GABRG2: variants seen among roughly 807,000 people sequenced by gnomAD.
GABRG2 encodes gamma-aminobutyric acid receptor subunit gamma-2.
A neutral mutation model predicts 56.4 loss-of-function variants in GABRG2; 16 were observed. That is an observed-to-expected ratio of 0.28 (90% CI 0.19 to 0.43). The LOEUF is 0.43. Among genes scored for constraint, GABRG2 ranks in the 20% least tolerant of loss-of-function variants. The probability of loss-of-function intolerance (pLI) is 1.00; values close to 1 mark genes in which losing one functional copy is unlikely to be tolerated. For missense variants in GABRG2, 327 were observed against 582.7 expected, an observed-to-expected ratio of 0.56 and a Z score of 4.52; for synonymous variants, 208 against 205.5, an observed-to-expected ratio of 1.01 and a Z score of -0.10.
chr5:162,092,004 AC>A (rs1354416785), intron 1 of GABRG2, among the ~76,000 whole-genome samples: 1 of 152,124 alleles, frequency 6.6e-6, no homozygotes, highest in Non-Finnish European at 1.5e-5. Flanking sequence ...TGACGAACCT[AC>A]CATATCCTTT....
chr5:162,144,925 A>C (rs1764844494), intron 7 of GABRG2, among the ~76,000 whole-genome samples: 1 of 152,192 alleles, frequency 6.6e-6, no homozygotes, highest in African/African-American at 2.4e-5. Context: ...TGCTTATCTA[A>C]TGTGTCTAGA....
chr5:162,140,641 A>AT (rs1313524520), intron 6 of GABRG2, among the ~76,000 whole-genome samples: 1 of 152,204 alleles, frequency 6.6e-6, no homozygotes, highest in Non-Finnish European at 1.5e-5. Context: ...TTATCTATGT[A>AT]TTTTACAGCA....
intron 1 of GABRG2, among the ~76,000 whole-genome samples, chr5:162,077,543 G>A (rs927129274): frequency 3.3e-5 from 5 of 152,120 alleles, no homozygotes; most frequent in Admixed American, 2.6e-4. Flanking sequence ...AAGAAACTTA[G>A]CAAAACACTA....
intron 8 of GABRG2, chr5:162,150,430 G>C (rs1765285307): frequency 6.6e-6 from 1 of 152,204 alleles, no homozygotes; most frequent in South Asian, 2.1e-4. Flanking sequence ...AAATAGTGAG[G>C]ATGAAGCATA....
chr5:162,105,320 G>A (rs1310496502), intron 6 of GABRG2, among the ~76,000 whole-genome samples: 2 of 151,400 alleles, frequency 1.3e-5, no homozygotes, highest in African/African-American at 4.9e-5. Context: ...TCTTTTATTT[G>A]GAAAAAAGAA....
At position 162,155,264 on chromosome 5, in the gene GABRG2, T is replaced by C. The variant is rs1348771194; in HGVS notation, c.*1896T>C. ...TTTCTTGTTTTGAATTGTCAATATA[T>C]TAAATGTTGACTCTTTGGGAGAGTT... On this transcript the variant is annotated 3_prime_UTR_variant, in exon 10 of 10. Coordinates refer to ENST00000639213, the MANE Select transcript of GABRG2 (RefSeq NM_198904.4). The C allele has an allele frequency of 6.6e-6, 1 of 152,486 alleles. No individual in the cohort carries two copies. The highest frequency in any genetic ancestry group is 1.5e-5 in the Non-Finnish European group (1 of 68,008). 9.4% of individuals were successfully genotyped at this position (152,486 alleles called of 1,614,324 possible).
At chr5:162,073,683 A>G (rs977353191) in intron 1 of GABRG2, among the ~76,000 whole-genome samples, 2 of 152,022 alleles carry the variant, frequency 1.3e-5, no homozygotes, top group African/African-American at 2.4e-5. Context: ...TAATGTTACT[A>G]TGTGGTAACA....
intron 6 of GABRG2, among the ~76,000 whole-genome samples, chr5:162,107,660 A>G (rs986109345): frequency 6.6e-6 from 1 of 152,162 alleles, no homozygotes; most frequent in Non-Finnish European, 1.5e-5. Context: ...TTCATTGTCA[A>G]TATGCTAGAA....
intron 6 of GABRG2, among the ~76,000 whole-genome samples, chr5:162,115,128 A>G (rs1458601654): frequency 6.6e-6 from 1 of 152,214 alleles, no homozygotes; most frequent in East Asian, 1.9e-4. Context: ...AGAGCTCTGC[A>G]TACCCTATGA....
intron 7 of GABRG2, among the ~76,000 whole-genome samples, chr5:162,144,439 A>G (rs966388461): frequency 6.6e-6 from 1 of 152,214 alleles, no homozygotes; most frequent in Non-Finnish European, 1.5e-5. Context: ...TCATGGTGGA[A>G]GAAGGGATCA....
chr5:162,137,882 G>T (rs919450665), intron 6 of GABRG2, among the ~76,000 whole-genome samples: 9 of 151,586 alleles, frequency 5.9e-5, no homozygotes, highest in African/African-American at 2.2e-4. Context: ...CCCTGGAGTA[G>T]CTGGGACTAC....
chr5:162,081,082 G>A (rs746626532), intron 1 of GABRG2, among the ~76,000 whole-genome samples: 67 of 151,960 alleles, frequency 4.4e-4, no homozygotes, highest in Non-Finnish European at 7.7e-4. Flanking sequence ...ATTTCCTACC[G>A]ATAAAATTTG....
chr5:162,075,363 C>T (rs1759010726), intron 1 of GABRG2, among the ~76,000 whole-genome samples: 1 of 152,098 alleles, frequency 6.6e-6, no homozygotes, highest in Admixed American at 6.6e-5. Flanking sequence ...AAAGCCTGCA[C>T]CTACCACTCA....
intron 5 of GABRG2, chr5:162,103,108 T>C (rs1761554609): frequency 6.5e-6 from 1 of 153,780 alleles, no homozygotes; most frequent in Non-Finnish European, 1.4e-5. Flanking sequence ...CAAATATACA[T>C]TGACCATCAA....
chr5:162,067,592 C>A, upstream of GABRG2: 1 of 458,738 alleles, frequency 2.2e-6, no homozygotes, highest in South Asian at 6.2e-5. Context: ...GAAAAAAAAT[C>A]AAAACAAACA....
At chr5:162,071,020 AT>A (rs1281171652) in intron 1 of GABRG2, among the ~76,000 whole-genome samples, 1 of 149,084 alleles carries the variant, frequency 6.7e-6, no homozygotes, top group East Asian at 2.0e-4. Context: ...TCAATCTTTT[AT>A]TTGTATGTAA....
intron 6 of GABRG2, among the ~76,000 whole-genome samples, chr5:162,128,919 A>G (rs1252084289): frequency 6.6e-6 from 1 of 152,008 alleles, no homozygotes; most frequent in Non-Finnish European, 1.5e-5. Context: ...GACCCTGGGT[A>G]TATAATTTCA....
rs909345406 is a variant in GABRG2, at chr5:162,097,494, A to G, written c.328-144A>G. 3 of 681,324 alleles carry G rather than the reference A, an allele frequency of 4.4e-6. No individual in the cohort carries two copies. The African/African-American group carries it at 5.4e-5, about 12-fold the overall frequency. The allele number at this position is 681,324 out of a possible 1,614,324, so 42.2% of individuals were successfully genotyped here. A position where few individuals can be genotyped will look rare whatever the true frequency, so the allele number is the denominator to read the frequency against. On this transcript the variant is annotated intron_variant, in intron 3 of 9. Coordinates refer to ENST00000639213, the MANE Select transcript of GABRG2 (RefSeq NM_198904.4). ...TGGGTGAGACAGTAACCTCCTCAGC[A>G]AAACTCTAGCTTTCTTTTGAACTAT...
chr5:162,122,606 C>A (rs557280356), intron 6 of GABRG2, among the ~76,000 whole-genome samples: 88 of 151,520 alleles, frequency 5.8e-4, no homozygotes, highest in Middle Eastern at 3.4e-3. Context: ...TCATGACAGA[C>A]CACCCATTAT....
Sources: allele counts gnomAD v4.1 joint callset (sites outside exome capture counted in the v4.1 genomes callset), GRCh38; gene constraint gnomAD v4.1.1; transcripts MANE v1.5; gene names NCBI Gene and HGNC (gene_info 2026-07-23, HGNC 2026-07-21).